SLC26A4: variants seen among roughly 807,000 people sequenced by gnomAD.
SLC26A4 encodes solute carrier family 26 member 4, also known as pendrin.
SLC26A4 carries 93 observed loss-of-function variants against 90.4 expected under a neutral mutation model. That is an observed-to-expected ratio of 1.03 (90% CI 0.87 to 1.22). SLC26A4 has a LOEUF of 1.22. Ranked by LOEUF, SLC26A4 falls within the 50% of genes most tolerant of loss-of-function variation. The pLI is 0.00. For synonymous variants in SLC26A4, 393 were observed against 354.6 expected (o/e 1.11, Z -1.22); for missense variants, 1,127 against 946.2 (o/e 1.19, Z -2.51).
At chr7:107,715,235 T>A (rs1235908257) in intron 20 of SLC26A4, among the ~76,000 whole-genome samples, 188 bp from the exon 21 acceptor site, 4 of 141,728 alleles carry the variant, frequency 2.8e-5, no homozygotes, top group Non-Finnish European at 3.0e-5. Flanking sequence ...AGATTCAGTC[T>A]CCAAAAAAAA....
Position 107,689,186 on chromosome 7 carries a change from A to T in SLC26A4, c.1135A>T (p.Ile379Phe). The change falls in exon 9 of 21, where the codon ATC becomes TTC. Residue 379 changes from isoleucine to phenylalanine, a missense_variant. Physicochemically the swap from Ile to Phe is conservative, Grantham distance 21. Transcript: ENST00000644269. Reference sequence around the variant, plus strand: ...ATATGCCACCAAGTATGATTACACCATCGATGGGAACCAGGTATGGGTGCC... The same window carrying T: ...ATATGCCACCAAGTATGATTACACCTTCGATGGGAACCAGGTATGGGTGCC... ...KVYATKYDYT[I>F]DGNQEFIAFG... 2 of 1,613,702 alleles carry T rather than the reference A, an allele frequency of 1.2e-6. No individual in the cohort carries two copies. The highest frequency in any genetic ancestry group is 1.7e-6 in the Non-Finnish European group (2 of 1,179,718).
intron 10 of SLC26A4, among the ~76,000 whole-genome samples, chr7:107,691,110 C>CACACAT (rs1347098578): frequency 5.9e-5 from 8 of 135,190 alleles, no homozygotes; most frequent in Admixed American, 5.6e-4. Context: ...TAGTGCAATA[C>CACACAT]ACACACACAC....
chr7:107,704,864 ATTTAG>A (rs1484783894), intron 18 of SLC26A4, among the ~76,000 whole-genome samples: 1 of 152,248 alleles, frequency 6.6e-6, no homozygotes, highest in East Asian at 1.9e-4. Context: ...TCAGATAACA[ATTTAG>A]TTTAGGTTTG....
chr7:107,686,203 G>C (rs1436570424), intron 8 of SLC26A4, among the ~76,000 whole-genome samples: 1 of 151,684 alleles, frequency 6.6e-6, no homozygotes, highest in Non-Finnish European at 1.5e-5. Context: ...GTCTTCGTCA[G>C]TTCCAGAGGT....
chr7:107,661,951 G>C lies in SLC26A4; in HGVS notation c.164+146G>C, dbSNP rs1368290195. On this transcript the variant is annotated intron_variant, in intron 2 of 20. Coordinates refer to ENST00000644269, the MANE Select transcript of SLC26A4 (RefSeq NM_000441.2). The surrounding 1 kb of genome is among the most constrained non-coding windows in gnomAD (Gnocchi z 5.1). ...TGCTTCTCCCAGAGGCCCGACTTTCGGTCTCCGGTCCTCCACGCCGCCCTT... is the reference window on the plus strand; with the variant it reads ...TGCTTCTCCCAGAGGCCCGACTTTCCGTCTCCGGTCCTCCACGCCGCCCTT... The C allele has an allele frequency of 1.2e-6, 1 of 864,528 alleles. No individual in the cohort carries two copies. The highest frequency in any genetic ancestry group is 1.7e-5 in the African/African-American group (1 of 58,378). The allele number at this position is 864,528 out of a possible 1,614,324, so 53.6% of individuals were successfully genotyped here.
At chr7:107,690,313 G>A in intron 10 of SLC26A4, 76 bp downstream of exon 10, 1 of 900,698 alleles carries the variant, frequency 1.1e-6, no homozygotes, top group Admixed American at 1.7e-5. Context: ...CTCGCACCGA[G>A]CTTAGCAGGA....
chr7:107,690,902 G>T (rs984902238), intron 10 of SLC26A4, among the ~76,000 whole-genome samples: 1 of 151,846 alleles, frequency 6.6e-6, no homozygotes, highest in African/African-American at 2.4e-5. Context: ...AAGCTCAGGA[G>T]CCATACTCAA....
intron 10 of SLC26A4, among the ~76,000 whole-genome samples, chr7:107,691,238 A>G (rs1236724216): frequency 1.3e-5 from 2 of 152,002 alleles, no homozygotes; most frequent in South Asian, 4.2e-4. Context: ...ACAGTGGCTC[A>G]TGCTTGTAAT....
At chr7:107,683,098 C>T (rs1293356050) in intron 6 of SLC26A4, 104 bp from the exon 7 acceptor site, 2 of 862,536 alleles carry the variant, frequency 2.3e-6, no homozygotes, top group East Asian at 2.6e-5. Context: ...CATGGTTTTT[C>T]ATGTGGGAAG....
chr7:107,674,192 G>A lies in SLC26A4; in HGVS notation c.444G>A (p.Val148=). 6.2e-7 allele frequency: 1 copy of A among 1,614,142 alleles called. No individual in the cohort carries two copies. Among genetic ancestry groups the A allele is most frequent in the Non-Finnish European group, 8.5e-7 (1 of 1,180,020 alleles). The change falls in exon 5 of 21, where the codon GTG becomes GTA. Residue 148 remains valine, a synonymous_variant. Coordinates refer to ENST00000644269, the MANE Select transcript of SLC26A4 (RefSeq NM_000441.2). ...VGPFPVVSLM[V]GSVVLSMAPD... ...CTTTTCCAGTGGTGAGTTTAATGGT[G>A]GGATCTGTTGTTCTGAGCATGGCCC...
intron 6 of SLC26A4, 85 bp from the exon 7 acceptor site, chr7:107,683,117 G>T: frequency 2.0e-6 from 2 of 988,718 alleles, no homozygotes; most frequent in East Asian, 2.5e-5. Context: ...AGATTCATAT[G>T]AGAATTGATT....
chr7:107,696,813 G>T lies in SLC26A4; in HGVS notation c.1544+774G>T, dbSNP rs563146541. ...TTAAGTGCCCTCCTGGGCCTAGAGG[G>T]GAACAGAGTCTTTCTCTCCCTCCTC... On this transcript the variant is annotated intron_variant, in intron 13 of 20. Transcript: ENST00000644269. Among the ~76,000 whole-genome samples, 276 of 152,296 alleles carry T rather than the reference G, an allele frequency of 1.8e-3. 2 individuals carry two copies. Among genetic ancestry groups the T allele is most frequent in the African/African-American group, 6.3e-3 (263 of 41,560 alleles).
chr7:107,684,067 C>G (rs1791329398), intron 8 of SLC26A4, among the ~76,000 whole-genome samples: 1 of 152,174 alleles, frequency 6.6e-6, no homozygotes, highest in African/African-American at 2.4e-5. Context: ...TCATCTCTGT[C>G]ACCTTCCAGT....
chr7:107,713,333 G>A (rs961314235), intron 20 of SLC26A4, among the ~76,000 whole-genome samples: 11 of 152,254 alleles, frequency 7.2e-5, no homozygotes, highest in African/African-American at 1.4e-4. Flanking sequence ...GGCCACTAGC[G>A]GCTTCTCAAG....
At chr7:107,695,086 TCTGA>T (rs749368912) in intron 12 of SLC26A4, among the ~76,000 whole-genome samples, 11 of 152,322 alleles carry the variant, frequency 7.2e-5, no homozygotes, top group East Asian at 1.9e-4. Context: ...TGACTTTAAC[TCTGA>T]CTAACATAAC....
Position 107,675,113 on chromosome 7 carries a change from AG to A in SLC26A4, c.765+5del. ...TGGAGTTCTCTCTATTATCTATGTA[AG>A]TGTTGCTTCTTGCTCCAGGGATGGG... On this transcript the variant is annotated splice_donor_5th_base_variant and intron_variant, in intron 6 of 20. Coordinates refer to ENST00000644269, the MANE Select transcript of SLC26A4 (RefSeq NM_000441.2). The A allele has an allele frequency of 6.2e-7, 1 of 1,613,304 alleles. No homozygotes were observed. The highest frequency in any genetic ancestry group is 8.5e-7 in the Non-Finnish European group (1 of 1,179,508).
chr7:107,694,349 G>A, intron 10 of SLC26A4, 54 bp from the exon 11 acceptor site: 2 of 1,387,496 alleles, frequency 1.4e-6, no homozygotes, highest in Admixed American at 1.7e-5. Flanking sequence ...CAGTGAGCTG[G>A]AAGACACAAG....
chr7:107,691,649 A>G (rs188325507), intron 10 of SLC26A4, among the ~76,000 whole-genome samples: 7 of 152,140 alleles, frequency 4.6e-5, no homozygotes, highest in Non-Finnish European at 2.9e-5. Flanking sequence ...ATTGTCCCCA[A>G]TATGCATGTG....
intron 18 of SLC26A4, among the ~76,000 whole-genome samples, chr7:107,709,658 C>T (rs1252179965): frequency 6.6e-6 from 1 of 152,128 alleles, no homozygotes; most frequent in Non-Finnish European, 1.5e-5. Flanking sequence ...GATACACTGG[C>T]TTGGCCAAAG....
Sources: gnomAD v4.1 joint callset for allele counts (sites outside exome capture counted in the v4.1 genomes callset) on GRCh38, gnomAD v4.1.1 for gene constraint, Gnocchi (gnomAD v3.1) non-coding constraint, MANE v1.5 for transcripts, NCBI Gene and HGNC (gene_info 2026-07-23, HGNC 2026-07-21) for gene names.